The following MRPL47 variants were observed in gnomAD, a reference collection of about 807,000 sequenced individuals.
The protein encoded by MRPL47 is large ribosomal subunit protein uL29m.
Under a neutral mutation model 34.0 loss-of-function variants are expected in MRPL47, and 31 were observed. That is an observed-to-expected ratio of 0.91 (90% confidence interval 0.68 to 1.23). The LOEUF (loss-of-function observed/expected upper bound fraction) is 1.23. Ranked by LOEUF, MRPL47 falls within the 50% of genes most tolerant of loss-of-function variation. MRPL47 has a pLI of 0.00. For missense variants in MRPL47, 328 were observed against 285.8 expected, an observed-to-expected ratio of 1.15 and a Z score of -1.07; for synonymous variants, 106 against 101.6, an observed-to-expected ratio of 1.04 and a Z score of -0.26.
intron 3 of MRPL47, among the ~76,000 whole-genome samples, chr3:179,599,908 T>C (rs1164576035): frequency 3.3e-5 from 5 of 151,932 alleles, no homozygotes; most frequent in Non-Finnish European, 7.4e-5. Context: ...GGTGGATCAC[T>C]TGAGGTCAGG....
chr3:179,592,488 C>T (rs983784708), intron 6 of MRPL47, among the ~76,000 whole-genome samples, 156 bp downstream of exon 6: 2 of 152,182 alleles, frequency 1.3e-5, no homozygotes, highest in African/African-American at 4.8e-5. Context: ...GCCACCGCAC[C>T]CAGCCTGACT....
chr3:179,595,879 G>A lies in MRPL47; in HGVS notation c.403-1984C>T, dbSNP rs371599636. Among the ~76,000 whole-genome samples, 80 of 152,306 alleles carry A rather than the reference G, an allele frequency of 5.3e-4. 2 individuals are homozygous for A. Among genetic ancestry groups the A allele is most frequent in the African/African-American group, 1.9e-3 (77 of 41,554 alleles). On this transcript the variant is annotated intron_variant, in intron 4 of 6. Coordinates refer to ENST00000476781, the MANE Select transcript of MRPL47 (RefSeq NM_020409.3). ...AATAGGACTGTGTTCCAGGGTAAGA[G>A]TATACACTTCTCTTTACAGCCAAGA...
chr3:179,602,608 G>GGGT (rs758027663), intron 2 of MRPL47, 44 bp downstream of exon 2: 21 of 832,822 alleles, frequency 2.5e-5, no homozygotes, highest in African/African-American at 9.5e-5. Context: ...CGGGGGGGGG[G>GGGT]GTTCCATAAA....
In MRPL47 at chr3:179,604,610, A is replaced by G; in HGVS notation, c.15T>C (p.Gly5=). 1 of 1,614,198 alleles carries G rather than the reference A, an allele frequency of 6.2e-7. No individual in the cohort carries two copies. The highest frequency in any genetic ancestry group is 8.5e-7 in the Non-Finnish European group (1 of 1,180,036). The part of the protein sequence containing the change: MAAA[G]LALLCRRVSS... ...AAACTCTCCTACAAAGAAGGGCCAA[A>G]CCGGCCGCAGCCATGTTTTCGCATA... The change falls in exon 1 of 7, where the codon GGT becomes GGC. Residue 5 remains glycine (G), a synonymous_variant. Coordinates refer to ENST00000476781, the MANE Select transcript of MRPL47 (RefSeq NM_020409.3).
chr3:179,598,341 A>C (rs982724380), intron 4 of MRPL47, among the ~76,000 whole-genome samples: 1 of 149,046 alleles, frequency 6.7e-6, no homozygotes, highest in Non-Finnish European at 1.5e-5. Context: ...GAGCCAAGAT[A>C]TCACACCACT....
At chr3:179,600,866 A>G (rs1188501311) in intron 3 of MRPL47, among the ~76,000 whole-genome samples, 1 of 152,144 alleles carries the variant, frequency 6.6e-6, no homozygotes, top group Non-Finnish European at 1.5e-5. Flanking sequence ...AGAGCCGACA[A>G]AAATAATATT....
intron 4 of MRPL47, 87 bp downstream of exon 4, chr3:179,598,588 C>A: frequency 1.2e-6 from 1 of 864,124 alleles, no homozygotes; most frequent in South Asian, 1.4e-5. Context: ...AAAAAAAAAT[C>A]TATTTGACAA....
At chr3:179,599,238 A>C (rs542126190) in intron 3 of MRPL47, among the ~76,000 whole-genome samples, 1 of 70,146 alleles carries the variant, frequency 1.4e-5, no homozygotes, top group African/African-American at 8.0e-5. Flanking sequence ...TCCATTATAC[A>C]TAAACTATCT....
intron 1 of MRPL47, among the ~76,000 whole-genome samples, chr3:179,603,276 C>T (rs185539010): frequency 1.2e-3 from 178 of 152,188 alleles, no homozygotes; most frequent in Non-Finnish European, 2.0e-3. Flanking sequence ...GTGGCTCACA[C>T]CTGTTATCCC....
chr3:179,592,608 A>G, intron 6 of MRPL47, 36 bp downstream of exon 6: 1 of 1,281,514 alleles, frequency 7.8e-7, no homozygotes, highest in Admixed American at 1.7e-5. Context: ...ATCTGGTATA[A>G]AGATAATATG....
chr3:179,593,138 T>A (rs904699021), intron 5 of MRPL47, among the ~76,000 whole-genome samples: 8 of 152,218 alleles, frequency 5.3e-5, no homozygotes, highest in Admixed American at 1.3e-4. Context: ...TTACACCAGG[T>A]CTTCTCAGTT....
chr3:179,600,376 C>T (rs531762488), intron 3 of MRPL47, among the ~76,000 whole-genome samples: 44 of 152,252 alleles, frequency 2.9e-4, no homozygotes, highest in African/African-American at 1.1e-3. Flanking sequence ...CACGGTGGCT[C>T]ATGCCTATAA....
Position 179,602,734 on chromosome 3 carries a change from T to C in MRPL47, c.162A>G (p.Leu54=). 3 of 1,612,296 alleles carry C rather than the reference T, an allele frequency of 1.9e-6. No individual in the cohort carries two copies. Among genetic ancestry groups the C allele is most frequent in the Non-Finnish European group, 2.5e-6 (3 of 1,179,276 alleles). The change falls in exon 2 of 7, where the codon TTA becomes TTG. Residue 54 remains leucine, a synonymous_variant. Coordinates refer to ENST00000476781, the MANE Select transcript of MRPL47 (RefSeq NM_020409.3). The stretch of plus-strand genomic sequence containing the variant: ...CTTTCCTTGACAATGTGGTATGAAG[T>C]AATCTATATTGGTGAAAGGATGTCA... ...PNVTSFHQYR[L]LHTTLSRKGL... is the part of the protein sequence containing the mutation.
At chr3:179,590,118 A>G (rs2108377390) in intron 6 of MRPL47, among the ~76,000 whole-genome samples, 1 of 152,310 alleles carries the variant, frequency 6.6e-6, no homozygotes, top group East Asian at 1.9e-4. Flanking sequence ...AGGTGAGAGG[A>G]TCACGAGGTC....
At position 179,598,268 on chromosome 3, in the gene MRPL47, T is replaced by A. The variant is rs1475559461; in HGVS notation, c.402+407A>T. ...TTGGCATGGTGGTATGTGCCTGTAATCCCAGCAACTTGGGAGGCTGAGGCA... is the reference window on the plus strand; with the variant it reads ...TTGGCATGGTGGTATGTGCCTGTAAACCCAGCAACTTGGGAGGCTGAGGCA... On this transcript the variant is annotated intron_variant, in intron 4 of 6. Coordinates refer to ENST00000476781, the MANE Select transcript of MRPL47 (RefSeq NM_020409.3). Among the ~76,000 whole-genome samples the A allele has an allele frequency of 4.0e-5, 6 of 151,890 alleles. No homozygotes were observed. In the East Asian group the frequency reaches 9.7e-4, roughly 25 times the overall value.
chr3:179,602,805 T>C lies in MRPL47; in HGVS notation c.99-8A>G. On this transcript the variant is annotated splice_region_variant and splice_polypyrimidine_tract_variant and intron_variant, in intron 1 of 6. Coordinates refer to ENST00000476781, the MANE Select transcript of MRPL47 (RefSeq NM_020409.3). ...AACAAACTAAGAAAAAACCTGCAAT[T>C]GAACACACATAAACAAGTAAAAGTT... 6.3e-7 allele frequency: 1 copy of C among 1,597,400 alleles called. No homozygotes were observed. Among genetic ancestry groups the C allele is most frequent in the Non-Finnish European group, 8.5e-7 (1 of 1,174,686 alleles).
At chr3:179,604,420 C>T in intron 1 of MRPL47, 107 bp downstream of exon 1, 2 of 1,083,196 alleles carry the variant, frequency 1.8e-6, no homozygotes, top group South Asian at 1.4e-5. Flanking sequence ...CTCTGCCATC[C>T]AGGCGGCCGT....
At chr3:179,591,470 G>A (rs1244914249) in intron 6 of MRPL47, among the ~76,000 whole-genome samples, 1 of 152,138 alleles carries the variant, frequency 6.6e-6, no homozygotes, top group African/African-American at 2.4e-5. Context: ...TCTTAAGTTT[G>A]TATAGTTACC....
At chr3:179,598,158 G>A (rs750992014) in intron 4 of MRPL47, among the ~76,000 whole-genome samples, 12 of 152,112 alleles carry the variant, frequency 7.9e-5, no homozygotes, top group Admixed American at 2.0e-4. Context: ...AAGCCAAGGT[G>A]AGTAGGTCAC....
Sources: allele counts gnomAD v4.1 joint callset (sites outside exome capture counted in the v4.1 genomes callset), GRCh38; gene constraint gnomAD v4.1.1; transcripts MANE v1.5; gene names NCBI Gene and HGNC (gene_info 2026-07-23, HGNC 2026-07-21).